CCDC171: variants seen among roughly 807,000 people sequenced by gnomAD.
The protein encoded by CCDC171 is coiled-coil domain-containing protein 171.
A neutral mutation model predicts 168.2 loss-of-function variants in CCDC171; 177 were observed. That is an observed-to-expected ratio of 1.05 (90% CI 0.93 to 1.19). CCDC171 has a LOEUF of 1.19. CCDC171 is among the 50% of genes most tolerant of loss of function. CCDC171 has a pLI of 0.00. For missense variants in CCDC171, 1,991 were observed against 1,539.0 expected, an observed-to-expected ratio of 1.29 and a Z score of -4.91; for synonymous variants, 687 against 540.8, an observed-to-expected ratio of 1.27 and a Z score of -3.75.
rs191242024 is a variant in CCDC171, at chr9:16,009,228, T to G, written n.369-11361T>G. On this transcript the variant is annotated intron_variant and non_coding_transcript_variant, in intron 3 of 9. Transcript: ENST00000486641. The stretch of plus-strand genomic sequence containing the variant: ...AAAATGTCCTTTCAAACTAGAGTGG[T>G]CTGACCTTAGGAGGGGTCAGTGTCT... Among the ~76,000 whole-genome samples the G allele has an allele frequency of 2.0e-5, 3 of 152,184 alleles. No homozygotes were observed. The East Asian group carries it at 5.8e-4, about 29-fold the overall frequency.
intron 1 of CCDC171, 34 bp from the exon 2 acceptor site, chr9:15,563,944 C>T (rs1327016279): frequency 1.6e-6 from 1 of 632,170 alleles, no homozygotes. Context: ...TATCAGGACT[C>T]AAACTGCTAT....
intron 6 of CCDC171, among the ~76,000 whole-genome samples, chr9:15,612,798 C>G (rs909764254): frequency 2.0e-5 from 3 of 152,082 alleles, no homozygotes; most frequent in South Asian, 2.1e-4. Flanking sequence ...TTATTTTGAT[C>G]TTCTATTTAT....
the CCDC171 span, among the ~76,000 whole-genome samples, chr9:16,074,806 G>T: frequency 2.0e-5 from 3 of 152,158 alleles, no homozygotes; most frequent in African/African-American, 7.2e-5. Context: ...ATTCCAGAGG[G>T]TAAGGTATGA....
At chr9:15,976,969 A>G (rs912718298), downstream of CCDC171, among the ~76,000 whole-genome samples, 1 of 152,172 alleles carries the variant, frequency 6.6e-6, no homozygotes, top group Admixed American at 6.5e-5. Flanking sequence ...AGCGTTAAAT[A>G]TTGCAAGTAC....
intron 25 of CCDC171, among the ~76,000 whole-genome samples, chr9:15,950,531 T>G (rs1439245865): frequency 1.3e-5 from 2 of 152,036 alleles, no homozygotes; most frequent in Non-Finnish European, 2.9e-5. Flanking sequence ...CTAAGCTTCA[T>G]AAGTGAAGGA....
chr9:15,902,270 A>C (rs1342442540), intron 24 of CCDC171, among the ~76,000 whole-genome samples: 5 of 149,764 alleles, frequency 3.3e-5, no homozygotes, highest in Non-Finnish European at 7.4e-5. Flanking sequence ...ATGTATATAT[A>C]TATATATATA....
intron 21 of CCDC171, among the ~76,000 whole-genome samples, chr9:15,830,808 C>T (rs2060197912): frequency 6.6e-6 from 1 of 152,040 alleles, no homozygotes; most frequent in Non-Finnish European, 1.5e-5. Flanking sequence ...ATCTTAATTG[C>T]TTAAGAATTG....
downstream of CCDC171, among the ~76,000 whole-genome samples, chr9:15,976,938 A>G (rs1333595782): frequency 6.6e-6 from 1 of 152,186 alleles, no homozygotes; most frequent in Admixed American, 6.5e-5. Context: ...CAAACCTAAA[A>G]TATTGAAGAT....
intron 25 of CCDC171, among the ~76,000 whole-genome samples, chr9:15,936,320 A>AT (rs1164238901): frequency 6.6e-6 from 1 of 151,982 alleles, no homozygotes; most frequent in East Asian, 1.9e-4. Context: ...AAAGTCAAAA[A>AT]TTTTTTCCTG....
At chr9:16,020,255 A>G (rs966591130) in intron 3 of CCDC171, among the ~76,000 whole-genome samples, 1 of 152,208 alleles carries the variant, frequency 6.6e-6, no homozygotes, top group East Asian at 1.9e-4. Flanking sequence ...TATGTATGCA[A>G]CACTAACGAA....
intron 1 of CCDC171, among the ~76,000 whole-genome samples, chr9:15,553,934 A>C (rs761132886): frequency 6.6e-6 from 1 of 151,902 alleles, no homozygotes; most frequent in Non-Finnish European, 1.5e-5. Flanking sequence ...TTTGTTTATT[A>C]GAGTTGGTGT....
intron 24 of CCDC171, among the ~76,000 whole-genome samples, chr9:15,887,255 A>G (rs964132050): frequency 8.5e-5 from 13 of 152,192 alleles, no homozygotes; most frequent in African/African-American, 3.1e-4. Flanking sequence ...TATTTGTCAA[A>G]AAAATATTTC....
chr9:15,826,892 A>G (rs1377265764), intron 21 of CCDC171, among the ~76,000 whole-genome samples: 1 of 152,250 alleles, frequency 6.6e-6, no homozygotes. Flanking sequence ...CCTGGAACAC[A>G]TGACATATTG....
chr9:16,062,899 C>CTACTA (rs1833951423), downstream of CCDC171, among the ~76,000 whole-genome samples: 1 of 152,074 alleles, frequency 6.6e-6, no homozygotes, highest in Admixed American at 6.5e-5. Flanking sequence ...GGGGAGTTTC[C>CTACTA]CTCACTAGAG....
At chr9:15,734,093 T>C (rs2054327805) in intron 16 of CCDC171, among the ~76,000 whole-genome samples, 1 of 152,192 alleles carries the variant, frequency 6.6e-6, no homozygotes, top group Non-Finnish European at 1.5e-5. Context: ...TTTTTTGAAG[T>C]AAGAGAATCA....
downstream of CCDC171, among the ~76,000 whole-genome samples, chr9:15,976,122 C>G (rs557776641): frequency 5.9e-5 from 9 of 152,156 alleles, no homozygotes; most frequent in Admixed American, 2.0e-4. Context: ...CTCAGAGCCT[C>G]CAGGATTGTA....
intron 25 of CCDC171, among the ~76,000 whole-genome samples, chr9:15,939,882 A>G (rs1425605274): frequency 2.6e-5 from 4 of 151,914 alleles, no homozygotes; most frequent in Non-Finnish European, 4.4e-5. Flanking sequence ...TAAAGTATCA[A>G]TTACATACTC....
intron 25 of CCDC171, among the ~76,000 whole-genome samples, chr9:15,928,027 A>G (rs900644456): frequency 6.6e-6 from 1 of 151,674 alleles, no homozygotes; most frequent in Admixed American, 6.6e-5. Flanking sequence ...CTTCAATGGT[A>G]TAAAGTACAG....
chr9:15,969,951 C>A (rs1397753049), intron 25 of CCDC171, among the ~76,000 whole-genome samples: 1 of 152,196 alleles, frequency 6.6e-6, no homozygotes, highest in Non-Finnish European at 1.5e-5. Context: ...GTTCTGCAAG[C>A]AAAACCTCAT....
Sources: allele counts gnomAD v4.1 joint callset (sites outside exome capture counted in the v4.1 genomes callset), GRCh38; gene constraint gnomAD v4.1.1; transcripts MANE v1.5; gene names NCBI Gene and HGNC (gene_info 2026-07-23, HGNC 2026-07-21).